Variants in C2orf49 observed in about 807,000 individuals in gnomAD.
The protein encoded by C2orf49 is tRNA splicing ligase complex subunit 2.
In C2orf49, 11 loss-of-function variants were observed where a neutral mutation model predicts 20.6. The observed-to-expected ratio is 0.53, with a 90% CI of 0.34 to 0.88. The LOEUF (loss-of-function observed/expected upper bound fraction) is 0.88, where lower values mean the gene tolerates loss of function less well. C2orf49 is among the 40% of genes least tolerant of loss of function. C2orf49 has a pLI of 0.02. For missense variants in C2orf49, 289 were observed against 274.2 expected (o/e 1.05, Z -0.38); for synonymous variants, 134 against 108.5 (o/e 1.24, Z -1.46).
chr2:105,374,818 T>A, the C2orf49 span, among the ~76,000 whole-genome samples: 1 of 152,224 alleles, frequency 6.6e-6, no homozygotes, highest in African/African-American at 2.4e-5. Context: ...TATTGCTGTC[T>A]TTGTGTTCCC....
chr2:105,385,511 T>G, the C2orf49 span, among the ~76,000 whole-genome samples: 1 of 152,226 alleles, frequency 6.6e-6, no homozygotes, highest in Admixed American at 6.5e-5. Context: ...TGAACTGACT[T>G]GGTGCCCATT....
At chr2:105,377,874 T>G in the C2orf49 span, 1 of 365,392 alleles carries the variant, frequency 2.7e-6, no homozygotes, top group Admixed American at 3.8e-5. Flanking sequence ...AGATAGTTGC[T>G]TTTTACATGG....
At chr2:105,373,833 G>T in the C2orf49 span, 1 of 1,267,084 alleles carries the variant, frequency 7.9e-7, no homozygotes, top group African/African-American at 1.5e-5. Flanking sequence ...AACAAGGAAA[G>T]AAGTTGGGCC....
the C2orf49 span, among the ~76,000 whole-genome samples, chr2:105,364,526 C>CG: frequency 1.3e-5 from 2 of 152,228 alleles, no homozygotes; most frequent in Non-Finnish European, 2.9e-5. Flanking sequence ...AACTGGCCAT[C>CG]AGTACCTCAA....
the C2orf49 span, chr2:105,378,359 C>A: frequency 2.7e-6 from 1 of 369,534 alleles, no homozygotes; most frequent in Non-Finnish European, 5.4e-6. Context: ...TCCCCCCACA[C>A]CCTGCTCTAT....
the C2orf49 span, among the ~76,000 whole-genome samples, chr2:105,383,036 C>T: frequency 1.3e-5 from 2 of 152,172 alleles, no homozygotes; most frequent in African/African-American, 4.8e-5. Flanking sequence ...CAGGTGCACG[C>T]CACCACACCC....
In C2orf49 at chr2:105,346,528, G is replaced by A. The variant is rs946384222; in HGVS notation, c.*1157G>A. On this transcript the variant is annotated 3_prime_UTR_variant, in exon 4 of 4. Coordinates refer to ENST00000258457, the MANE Select transcript of C2orf49 (RefSeq NM_024093.3). ...AAAAGTCTTCAGGCAGAGTAATCAT[G>A]TTAGAGGTGGTATTCGATGGAAGAA... 2.0e-5 allele frequency: 3 copies of A among 152,218 alleles called. No individual in the cohort carries two copies. Among genetic ancestry groups the A allele is most frequent in the African/African-American group, 7.2e-5 (3 of 41,448 alleles). The allele number at this position is 152,218 out of a possible 1,614,324, so 9.4% of individuals were successfully genotyped here.
At chr2:105,371,281 A>ACG in the C2orf49 span, among the ~76,000 whole-genome samples, 1 of 152,140 alleles carries the variant, frequency 6.6e-6, no homozygotes, top group Admixed American at 6.5e-5. Context: ...CGAGTGCAGC[A>ACG]CGTTACCCAC....
chr2:105,343,348 G>T (rs1679724242), intron 3 of C2orf49, 125 bp downstream of exon 3: 3 of 859,766 alleles, frequency 3.5e-6, no homozygotes, highest in South Asian at 4.4e-5. Context: ...TGGTCTGTCT[G>T]ATTTGTATAA....
In C2orf49 at chr2:105,349,127, C is replaced by T. The variant is rs1157260011; in HGVS notation, c.*3756C>T. On this transcript the variant is annotated 3_prime_UTR_variant, in exon 4 of 4. Coordinates refer to ENST00000258457, the MANE Select transcript of C2orf49 (RefSeq NM_024093.3). ...TTGAGAGATTTTATGTTAGAGTGATCTGAAAAAAAGTTAATTTCTAAACTG... is the reference window on the plus strand; with the variant it reads ...TTGAGAGATTTTATGTTAGAGTGATTTGAAAAAAAGTTAATTTCTAAACTG... 6.6e-6 allele frequency: 1 copy of T among 152,030 alleles called. No individual in the cohort carries two copies. Among genetic ancestry groups the T allele is most frequent in the Non-Finnish European group, 1.5e-5 (1 of 68,006 alleles). The allele number at this position is 152,030 out of a possible 1,614,324, so 9.4% of individuals were successfully genotyped here. A position where few individuals can be genotyped will look rare whatever the true frequency, so the allele number is the denominator to read the frequency against.
the C2orf49 span, among the ~76,000 whole-genome samples, chr2:105,355,437 C>CG: frequency 6.6e-6 from 1 of 152,044 alleles, no homozygotes; most frequent in Non-Finnish European, 1.5e-5. Flanking sequence ...AGAAACACCC[C>CG]GGATAACTTT....
chr2:105,343,912 T>A (rs1323624130), intron 3 of C2orf49, among the ~76,000 whole-genome samples: 1 of 151,922 alleles, frequency 6.6e-6, no homozygotes, highest in Non-Finnish European at 1.5e-5. Context: ...AAATACCTAG[T>A]AGTTTAATAG....
At chr2:105,367,731 T>C in the C2orf49 span, 4 of 1,613,650 alleles carry the variant, frequency 2.5e-6, no homozygotes, top group East Asian at 2.2e-5. Context: ...TACTCCATCT[T>C]GCGGGTACCT....
At chr2:105,342,159 C>T (rs796366143) in intron 2 of C2orf49, among the ~76,000 whole-genome samples, 19 of 152,192 alleles carry the variant, frequency 1.2e-4, no homozygotes, top group South Asian at 4.1e-4. Context: ...GCAACAAGAG[C>T]GCAACTCCGT....
At chr2:105,373,685 AGCAGTGGAAACAGGCTTCATGCCAGT>A in the C2orf49 span, 1 of 1,614,186 alleles carries the variant, frequency 6.2e-7, no homozygotes, top group African/African-American at 1.3e-5. Context: ...CTGCACTGCG[AGCAGTGGAAACAGGCTTCATGCCAGT>A]GCCGGTCCTT....
chr2:105,375,815 G>A, the C2orf49 span: 1 of 152,144 alleles, frequency 6.6e-6, no homozygotes, highest in Non-Finnish European at 1.5e-5. Context: ...ACCCAAACTG[G>A]GTATGCACTG....
At chr2:105,366,569 G>A in the C2orf49 span, among the ~76,000 whole-genome samples, 8 of 152,148 alleles carry the variant, frequency 5.3e-5, no homozygotes, top group East Asian at 5.8e-4. Flanking sequence ...TAAGAATTGC[G>A]TGTGTCTAAG....
chr2:105,344,139 A>G (rs962287871), intron 3 of C2orf49, among the ~76,000 whole-genome samples: 6 of 152,166 alleles, frequency 3.9e-5, no homozygotes, highest in African/African-American at 7.2e-5. Context: ...AGATAAGGAA[A>G]CAGAAACTTA....
At chr2:105,370,214 C>G in the C2orf49 span, among the ~76,000 whole-genome samples, 11 of 151,636 alleles carry the variant, frequency 7.3e-5, no homozygotes, top group Admixed American at 3.3e-4. Flanking sequence ...CTCTACCCCC[C>G]CAAAAAAAAA....
Sources: allele counts gnomAD v4.1 joint callset (sites outside exome capture counted in the v4.1 genomes callset), GRCh38; gene constraint gnomAD v4.1.1; transcripts MANE v1.5; gene names NCBI Gene and HGNC (gene_info 2026-07-23, HGNC 2026-07-21).